The following OR8B2 variants were observed in gnomAD, a reference collection of about 807,000 sequenced individuals.
OR8B2 encodes the protein olfactory receptor family 8 subfamily B member 2.
For synonymous variants in OR8B2, 98 were observed against 138.2 expected (o/e 0.71, Z 2.04); for missense variants, 304 against 379.6 (o/e 0.80, Z 1.65).
chr11:124,385,754 C>G (rs553570477), upstream of OR8B2, among the ~76,000 whole-genome samples: 1 of 151,822 alleles, frequency 6.6e-6, no homozygotes, highest in East Asian at 1.9e-4. Context: ...CCTCAGCCTC[C>G]CAAGTAGCTG....
chr11:124,396,298 A>G, the OR8B2 span: 1 of 953,254 alleles, frequency 1.0e-6, no homozygotes, highest in Admixed American at 3.2e-5. Flanking sequence ...TGATAAGACA[A>G]GTTTATTAAA....
chr11:124,384,076 A>G (rs2134191839), intron 1 of OR8B2, among the ~76,000 whole-genome samples: 1 of 152,320 alleles, frequency 6.6e-6, no homozygotes, highest in East Asian at 1.9e-4. Flanking sequence ...AAATTTTACC[A>G]AACTGGTATT....
chr11:124,382,874 G>A lies in OR8B2; in HGVS notation c.470C>T (p.Thr157Met), dbSNP rs762460380. Residue 157 changes from threonine to methionine, a missense_variant, in exon 2 of 2, where the codon ACG becomes ATG. Coordinates refer to ENST00000641451, the MANE Select transcript of OR8B2 (RefSeq NM_001005468.2). Reference protein sequence around the residue: ...AAYIMGLAGATAHTGCMLRLT... With the variant: ...AAYIMGLAGAMAHTGCMLRLT... ...TCTAAGCATGCACCCGGTGTGGGCC[G>A]TGGCTCCAGCCAATCCCATTATGTA... 4.9e-5 allele frequency: 79 copies of A among 1,601,886 alleles called. No homozygotes were observed. The highest frequency in any genetic ancestry group is 1.6e-4 in the East Asian group (7 of 44,598).
chr11:124,389,824 C>A, the OR8B2 span, among the ~76,000 whole-genome samples: 1 of 152,050 alleles, frequency 6.6e-6, no homozygotes, highest in Non-Finnish European at 1.5e-5. Context: ...AGAAAAGATC[C>A]TGCCAAAAAA....
chr11:124,393,515 T>C, the OR8B2 span, among the ~76,000 whole-genome samples: 249 of 82,330 alleles, frequency 3.0e-3, 10 homozygotes, highest in African/African-American at 0.017. Flanking sequence ...TGAAAAAACG[T>C]TCATCATCAC....
At chr11:124,397,055 A>G in the OR8B2 span, 1 of 1,613,958 alleles carries the variant, frequency 6.2e-7, no homozygotes, top group Non-Finnish European at 8.5e-7. Flanking sequence ...AAAACAGCTG[A>G]GTCATGCACC....
chr11:124,392,409 G>A, the OR8B2 span, among the ~76,000 whole-genome samples: 2 of 117,394 alleles, frequency 1.7e-5, 1 homozygote, highest in Non-Finnish European at 3.4e-5. Flanking sequence ...AACAACTTCA[G>A]CAAAGTCTCA....
the OR8B2 span, among the ~76,000 whole-genome samples, chr11:124,390,315 G>A: frequency 3.3e-5 from 5 of 152,258 alleles, no homozygotes; most frequent in Admixed American, 3.3e-4. Flanking sequence ...AACAAATTAA[G>A]CACATTGGCA....
At chr11:124,389,237 A>G (rs525222), upstream of OR8B2, among the ~76,000 whole-genome samples, 49,797 of 152,030 alleles carry the variant, frequency 0.33, 8,224 homozygotes, top group African/African-American at 0.4. Context: ...ATTGTTTCAA[A>G]GTCAAAATGC....
chr11:124,385,174 T>G (rs111539307), upstream of OR8B2, among the ~76,000 whole-genome samples: 1,691 of 152,302 alleles, frequency 0.011, 20 homozygotes, highest in Non-Finnish European at 0.018. Flanking sequence ...TGTCTTTGCC[T>G]TTAACAGGTT....
chr11:124,396,214 C>T, the OR8B2 span: 1 of 555,010 alleles, frequency 1.8e-6, no homozygotes, highest in South Asian at 2.8e-5. Flanking sequence ...ATGCCATGAC[C>T]TATTTAGTAA....
chr11:124,396,729 A>T, the OR8B2 span: 2 of 1,613,596 alleles, frequency 1.2e-6, no homozygotes, highest in African/African-American at 2.7e-5. Context: ...ACTGGGTACC[A>T]TGATATTAAT....
the OR8B2 span, among the ~76,000 whole-genome samples, chr11:124,392,143 C>A: frequency 8.6e-6 from 1 of 116,304 alleles, no homozygotes; most frequent in South Asian, 3.1e-4. Flanking sequence ...ATGACAAACC[C>A]ACAGCCAATA....
At chr11:124,393,786 C>T in the OR8B2 span, among the ~76,000 whole-genome samples, 3 of 151,606 alleles carry the variant, frequency 2.0e-5, no homozygotes, top group Admixed American at 1.3e-4. Context: ...AATCATGCTG[C>T]TATAAAGACA....
the OR8B2 span, chr11:124,396,860 A>C: frequency 1.6e-5 from 25 of 1,609,578 alleles, no homozygotes; most frequent in Non-Finnish European, 2.1e-5. Context: ...AGGTGAGTCT[A>C]AGCATGCACC....
At chr11:124,396,240 C>T in the OR8B2 span, 1 of 634,712 alleles carries the variant, frequency 1.6e-6, no homozygotes, top group East Asian at 2.9e-5. Context: ...TGAGAAGTGC[C>T]AGAGATGCAA....
chr11:124,388,513 G>A (rs1860735086), upstream of OR8B2, among the ~76,000 whole-genome samples: 1 of 152,112 alleles, frequency 6.6e-6, no homozygotes, highest in Non-Finnish European at 1.5e-5. Context: ...CTAGAACAAT[G>A]CCTAGGAGCA....
chr11:124,390,760 GTT>G, the OR8B2 span, among the ~76,000 whole-genome samples: 415 of 148,656 alleles, frequency 2.8e-3, 3 homozygotes, highest in Middle Eastern at 0.032. Context: ...AAGTTTATTT[GTT>G]TTTTTTTTTC....
the OR8B2 span, among the ~76,000 whole-genome samples, chr11:124,390,924 G>A: frequency 0.37 from 56,822 of 151,886 alleles, 11,564 homozygotes; most frequent in African/African-American, 0.56. Context: ...TATAGTGTGA[G>A]GTAGAGGTCA....
Sources: gnomAD v4.1 joint callset for allele counts (sites outside exome capture counted in the v4.1 genomes callset) on GRCh38, gnomAD v4.1.1 for gene constraint, MANE v1.5 for transcripts, NCBI Gene and HGNC (gene_info 2026-07-23, HGNC 2026-07-21) for gene names.